The following ZMYND15 variants were observed in gnomAD, a reference collection of about 807,000 sequenced individuals.
ZMYND15 encodes zinc finger MYND domain-containing protein 15.
Under a neutral mutation model 81.7 loss-of-function variants are expected in ZMYND15, and 54 were observed. That is an observed-to-expected ratio of 0.66 (90% CI 0.53 to 0.83). ZMYND15 has a LOEUF of 0.83. Among genes scored for constraint, ZMYND15 ranks in the 40% least tolerant of loss-of-function variants. ZMYND15 has a pLI of 0.00. For missense variants in ZMYND15, 925 were observed against 973.5 expected, an observed-to-expected ratio of 0.95 and a Z score of 0.66; for synonymous variants, 399 against 387.0, an observed-to-expected ratio of 1.03 and a Z score of -0.36.
rs370827891 is a variant in ZMYND15 at position 4,741,095 on chromosome 17, G to C, written c.547G>C (p.Val183Leu). 8.5e-6 allele frequency: 13 copies of C among 1,530,008 alleles called. No individual in the cohort carries two copies. In the Admixed American group the frequency reaches 1.5e-4, roughly 17 times the overall value. The allele number at this position is 1,530,008 out of a possible 1,614,324, so 94.8% of individuals were successfully genotyped here. Reference protein sequence around the residue: ...GGKDGCREDRVENETRPQKRK... With the variant: ...GGKDGCREDRLENETRPQKRK... ...CAAGGATGGCTGCCGAGAGGACAGG[G>C]TGGAGAACGAAACAAGACCCCAGAA... The change falls in exon 2 of 14, where the codon GTG (valine) becomes CTG (leucine). Residue 183 changes from valine (V) to leucine (L), a missense_variant. Transcript: ENST00000433935.
At position 4,741,160 on chromosome 17, in the gene ZMYND15, C is replaced by G. The variant is rs1437624296; in HGVS notation, c.592+20C>G. On this transcript the variant is annotated intron_variant, in intron 2 of 13. Coordinates refer to ENST00000433935, the MANE Select transcript of ZMYND15 (RefSeq NM_001136046.3). ...GGAGTGGTAAGAACCCAGGGCTGGC[C>G]CTGCCCTACCCCTTGCCCAGCCATC... The G allele has an allele frequency of 7.1e-7, 1 of 1,414,062 alleles. No homozygotes were observed. Among genetic ancestry groups the G allele is most frequent in the Admixed American group, 3.2e-5 (1 of 30,866 alleles). 87.6% of individuals were successfully genotyped at this position (1,414,062 alleles called of 1,614,324 possible).
Position 4,740,536 on chromosome 17 carries a change from T to G in ZMYND15, c.-13T>G. On this transcript the variant is annotated 5_prime_UTR_variant, in exon 2 of 14. Coordinates refer to ENST00000433935, the MANE Select transcript of ZMYND15 (RefSeq NM_001136046.3). ...TTGCTCAGTCTGGGCCGGGGCCCTG[T>G]GCCGCTGAAGACATGGAGTTTGTGT... is the stretch of plus-strand genomic sequence containing the variant. 6.3e-7 allele frequency: 1 copy of G among 1,576,336 alleles called. No homozygotes were observed. The highest frequency in any genetic ancestry group is 1.2e-5 in the South Asian group (1 of 86,180).
chr17:4,741,547 C>A (rs775079749), intron 2 of ZMYND15, 35 bp from the exon 3 acceptor site: 4 of 1,610,308 alleles, frequency 2.5e-6, no homozygotes, highest in Non-Finnish European at 2.5e-6. Flanking sequence ...TCTCTCGCTG[C>A]CCCCTACCAC....
chr17:4,742,516 T>G, intron 5 of ZMYND15, 25 bp downstream of exon 5: 1 of 1,608,438 alleles, frequency 6.2e-7, no homozygotes, highest in Non-Finnish European at 8.5e-7. Context: ...TCAGAATGGT[T>G]GGGGGAAACT....
chr17:4,740,893 G>GGAGGAGGAA lies in ZMYND15; in HGVS notation c.357_365dup (p.Glu119_Glu121dup), dbSNP rs760427870. On this transcript the variant is annotated inframe_insertion, in exon 2 of 14. Transcript: ENST00000433935. ...TCAGCCTAGAGGATGGGGAGGAAGG[G>GGAGGAGGAA]GAGGAGGAAGAGGAGGAAGATGAAG... 1.3e-5 allele frequency: 20 copies of GGAGGAGGAA among 1,581,192 alleles called. No individual in the cohort carries two copies. The highest frequency in any genetic ancestry group is 1.8e-5 in the Admixed American group (1 of 56,700).
In ZMYND15 at chr17:4,743,782, T is replaced by C. The variant is rs1333726270; in HGVS notation, c.1313T>C (p.Leu438Pro). ...SLLRGGDPYQ[L>P]LQGDGTALMP... ...ATCCTCTCAGGAGACCCCTACCAGC[T>C]TCTCCAGGGAGACGGGACTGCCCTG... Residue 438 changes from leucine (L) to proline (P), a missense_variant, in exon 7 of 14, where the codon CTT becomes CCT. Leu to Pro is a moderately conservative substitution (Grantham distance 98). Coordinates refer to ENST00000433935, the MANE Select transcript of ZMYND15 (RefSeq NM_001136046.3). This position sits in a 1 kb window ranked among gnomAD's most constrained non-coding sequence, Gnocchi z 4.3. 1 of 1,613,842 alleles carries C rather than the reference T, an allele frequency of 6.2e-7. No individual in the cohort carries two copies. The highest frequency in any genetic ancestry group is 8.5e-7 in the Non-Finnish European group (1 of 1,179,954).
chr17:4,745,973 G>A lies in ZMYND15; in HGVS notation c.2212G>A (p.Ala738Thr), dbSNP rs1006856507. 9.7e-6 allele frequency: 14 copies of A among 1,443,302 alleles called. No homozygotes were observed. In the African/African-American group the frequency reaches 1.2e-4, roughly 12 times the overall value. The allele number at this position is 1,443,302 out of a possible 1,614,324, so 89.4% of individuals were successfully genotyped here. A position where few individuals can be genotyped will look rare whatever the true frequency, so the allele number is the denominator to read the frequency against. ...AGGAGAAAAGAAACCTGGGCGGGGG[G>A]CCCGCCGGCGGAAATGAATGCTGAT... ...RRGEKKPGRG[A>T]RRRK The change falls in exon 14 of 14, where the codon GCC becomes ACC. Residue 738 changes from alanine to threonine, a missense_variant. Physicochemically the swap from Ala to Thr is moderately conservative, Grantham distance 58. Transcript: ENST00000433935. The surrounding 1 kb of genome is among the most constrained non-coding windows in gnomAD (Gnocchi z 5.2).
At chr17:4,740,315 G>C (rs978068800) in intron 1 of ZMYND15, 1 of 934,800 alleles carries the variant, frequency 1.1e-6, no homozygotes, top group Non-Finnish European at 1.4e-6. Context: ...TCCAACCCTG[G>C]TCACCCACTT....
rs1567699515 is a variant in ZMYND15 at position 4,744,239 on chromosome 17, G to A, written c.1545G>A (p.Val515=). 6.2e-7 allele frequency: 1 copy of A among 1,614,134 alleles called. No individual in the cohort carries two copies. The highest frequency in any genetic ancestry group is 1.3e-5 in the African/African-American group (1 of 75,036). ...AACAGTCACTGAAGATCCACGTGGT[G>A]GAGGCCGGGAAGGAGTTTGACCTTG... The part of the protein sequence containing the change: ...QNKQSLKIHV[V]EAGKEFDLVM... The change falls in exon 9 of 14, where the codon GTG becomes GTA. Residue 515 remains valine, a synonymous_variant. Coordinates refer to ENST00000433935, the MANE Select transcript of ZMYND15 (RefSeq NM_001136046.3). The surrounding 1 kb of genome is among the most constrained non-coding windows in gnomAD (Gnocchi z 4.1).
rs1270479213 is a variant in ZMYND15, at chr17:4,743,747, T to C, written c.1298-20T>C. 1 of 1,609,538 alleles carries C rather than the reference T, an allele frequency of 6.2e-7. No individual in the cohort carries two copies. The highest frequency in any genetic ancestry group is 8.5e-7 in the Non-Finnish European group (1 of 1,177,910). On this transcript the variant is annotated intron_variant, in intron 6 of 13. Coordinates refer to ENST00000433935, the MANE Select transcript of ZMYND15 (RefSeq NM_001136046.3). The surrounding 1 kb of genome is among the most constrained non-coding windows in gnomAD (Gnocchi z 4.3). ...GGGGGTCTCCCTGACCCCAGGCCCCTCCTTCTTTCATCCTCTCAGGAGACC... is the reference window on the plus strand; with the variant it reads ...GGGGGTCTCCCTGACCCCAGGCCCCCCCTTCTTTCATCCTCTCAGGAGACC...
At position 4,745,044 on chromosome 17, in the gene ZMYND15, T is replaced by TGAG; in HGVS notation, c.1896+117_1896+118insAGG. ...TTCACCATCACCTGCTCCACAAACC[T>TGAG]GGGGAGTGCCCACGGGTCCCCCTGC... On this transcript the variant is annotated intron_variant, in intron 12 of 13. Transcript: ENST00000433935. This position sits in a 1 kb window ranked among gnomAD's most constrained non-coding sequence, Gnocchi z 5.2. 1.3e-6 allele frequency: 2 copies of TGAG among 1,544,196 alleles called. No individual in the cohort carries two copies. Among genetic ancestry groups the TGAG allele is most frequent in the Non-Finnish European group, 1.8e-6 (2 of 1,123,430 alleles).
In ZMYND15 at chr17:4,743,074, T is replaced by C. The variant is rs1916496184; in HGVS notation, c.1145-229T>C. Among the ~76,000 whole-genome samples the C allele has an allele frequency of 6.6e-6, 1 of 151,942 alleles. No homozygotes were observed. Among genetic ancestry groups the C allele is most frequent in the African/African-American group, 2.4e-5 (1 of 41,352 alleles). Reference sequence around the variant, plus strand: ...GCCTGGGCAACATAGACTCTGTCTCTACAAAAAATAGAAAAAATTAGTCAG... The same window carrying C: ...GCCTGGGCAACATAGACTCTGTCTCCACAAAAAATAGAAAAAATTAGTCAG... On this transcript the variant is annotated intron_variant, in intron 5 of 13. Coordinates refer to ENST00000433935, the MANE Select transcript of ZMYND15 (RefSeq NM_001136046.3). The surrounding 1 kb of genome is among the most constrained non-coding windows in gnomAD (Gnocchi z 4.3).
Position 4,745,498 on chromosome 17 carries a change from C to G in ZMYND15, c.2057+123C>G. 1 of 1,197,426 alleles carries G rather than the reference C, an allele frequency of 8.4e-7. No homozygotes were observed. The allele number at this position is 1,197,426 out of a possible 1,614,324, so 74.2% of individuals were successfully genotyped here. On this transcript the variant is annotated intron_variant, in intron 13 of 13. Coordinates refer to ENST00000433935, the MANE Select transcript of ZMYND15 (RefSeq NM_001136046.3). This position sits in a 1 kb window ranked among gnomAD's most constrained non-coding sequence, Gnocchi z 5.2. ...TCCTGGGGCCCTCCTGCCCCCAGCC[C>G]AGCAACCTGCCTTCTCTGTCCCCAC...
In ZMYND15 at chr17:4,744,339, C is replaced by T; in HGVS notation, c.1585-30C>T. ...GTATGGGGGTGGGCACAGGGTAGAC[C>T]CCAGATCTTTCTTTCTTTCTGTCCT... is the stretch of plus-strand genomic sequence containing the variant. On this transcript the variant is annotated intron_variant, in intron 9 of 13. Transcript: ENST00000433935. The surrounding 1 kb of genome is among the most constrained non-coding windows in gnomAD (Gnocchi z 4.1). The T allele has an allele frequency of 6.2e-7, 1 of 1,613,750 alleles. No homozygotes were observed. The highest frequency in any genetic ancestry group is 8.5e-7 in the Non-Finnish European group (1 of 1,179,722).
In ZMYND15 at chr17:4,745,038, C is replaced by A; in HGVS notation, c.1896+110C>A. The A allele has an allele frequency of 6.4e-7, 1 of 1,555,296 alleles. No homozygotes were observed. The highest frequency in any genetic ancestry group is 8.8e-7 in the Non-Finnish European group (1 of 1,132,302). ...CTCCTCTTCACCATCACCTGCTCCA[C>A]AAACCTGGGGAGTGCCCACGGGTCC... On this transcript the variant is annotated intron_variant, in intron 12 of 13. Coordinates refer to ENST00000433935, the MANE Select transcript of ZMYND15 (RefSeq NM_001136046.3). This position sits in a 1 kb window ranked among gnomAD's most constrained non-coding sequence, Gnocchi z 5.2.
chr17:4,742,369 G>A lies in ZMYND15; in HGVS notation c.1022G>A (p.Cys341Tyr), dbSNP rs760369699. The change falls in exon 5 of 14, where the codon TGT (cysteine) becomes TAT (tyrosine). Residue 341 changes from cysteine (C) to tyrosine (Y), a missense_variant. Cys to Tyr is a radical substitution (Grantham distance 194). Transcript: ENST00000433935. ...CSAVLYCGEA[C>Y]LRADWQRCPD... ...GCTGTCTTGTATTGTGGAGAGGCTT[G>A]TCTCCGGGCTGACTGGCAGCGGTGC... 3 of 1,613,930 alleles carry A rather than the reference G, an allele frequency of 1.9e-6. No homozygotes were observed. The highest frequency in any genetic ancestry group is 2.5e-6 in the Non-Finnish European group (3 of 1,179,982).
chr17:4,740,606 G>A lies in ZMYND15; in HGVS notation c.58G>A (p.Gly20Ser), dbSNP rs751987797. ...CCTTGATTTCACTGCCCTTCTCTTC[G>A]GCTGGTTCCGAAAGTTTGTGGCAGA... ...EFLDFTALLF[G>S]WFRKFVAERG... The change falls in exon 2 of 14, where the codon GGC becomes AGC. Residue 20 changes from glycine (G) to serine (S), a missense_variant. Physicochemically the swap from Gly to Ser is moderately conservative, Grantham distance 56. Coordinates refer to ENST00000433935, the MANE Select transcript of ZMYND15 (RefSeq NM_001136046.3). The A allele has an allele frequency of 9.9e-6, 16 of 1,611,600 alleles. No individual in the cohort carries two copies. The highest frequency in any genetic ancestry group is 6.7e-5 in the African/African-American group (5 of 74,876).
chr17:4,745,920 C>T lies in ZMYND15; in HGVS notation c.2159C>T (p.Ala720Val). 1 of 1,516,642 alleles carries T rather than the reference C, an allele frequency of 6.6e-7. No homozygotes were observed. The highest frequency in any genetic ancestry group is 8.8e-7 in the Non-Finnish European group (1 of 1,135,264). The allele number at this position is 1,516,642 out of a possible 1,614,324, so 93.9% of individuals were successfully genotyped here. ...CCACCCCCATCCCCAACTCCCTCTG[C>T]TCCTCCTGCCCCCACCCGAAGGCGC... ...GPPPPSPTPS[A>V]PPAPTRRRRG... The change falls in exon 14 of 14, where the codon GCT (alanine) becomes GTT (valine). Residue 720 changes from alanine (A) to valine (V), a missense_variant. Physicochemically the swap from Ala to Val is moderately conservative, Grantham distance 64 (BLOSUM62 0). Transcript: ENST00000433935. The surrounding 1 kb of genome is among the most constrained non-coding windows in gnomAD (Gnocchi z 5.2).
intron 2 of ZMYND15, 138 bp from the exon 3 acceptor site, chr17:4,741,444 T>C (rs1457089760): frequency 5.7e-5 from 54 of 943,744 alleles, no homozygotes; most frequent in Non-Finnish European, 6.7e-5. Flanking sequence ...AGAAGGAGCG[T>C]GCCCTCTCTA....
Sources: allele counts gnomAD v4.1 joint callset (sites outside exome capture counted in the v4.1 genomes callset), GRCh38; gene constraint gnomAD v4.1.1; non-coding constraint Gnocchi (gnomAD v3.1); transcripts MANE v1.5; gene names NCBI Gene and HGNC (gene_info 2026-07-23, HGNC 2026-07-21).